Variants in HIF1AN observed in about 807,000 individuals in gnomAD.
The protein encoded by HIF1AN is hypoxia inducible factor 1 subunit alpha inhibitor.
In HIF1AN, 21 loss-of-function variants were observed where a neutral mutation model predicts 47.7. That is an observed-to-expected ratio of 0.44 (90% CI 0.31 to 0.63). The LOEUF is 0.63. Ranked by LOEUF, HIF1AN falls within the 30% of genes least tolerant of loss-of-function variation. HIF1AN has a pLI of 0.07. For synonymous variants in HIF1AN, 152 were observed against 155.9 expected (o/e 0.98, Z 0.18); for missense variants, 320 against 432.7 (o/e 0.74, Z 2.31).
intron 3 of HIF1AN, among the ~76,000 whole-genome samples, chr10:100,542,842 A>ATTTTTTTT (rs1186242124): frequency 8.9e-6 from 1 of 112,804 alleles, no homozygotes; most frequent in Non-Finnish European, 1.7e-5. Flanking sequence ...AAATATGTGA[A>ATTTTTTTT]TGTGTTTTTT....
chr10:100,559,969 A>G lies in HIF1AN; in HGVS notation c.*11832A>G, dbSNP rs1389227886. Reference sequence around the variant, plus strand: ...TTTTGAAAGTTTTAAAAAATTGACAACATTAAAGATCAGAAACTTGACCTA... The same window carrying G: ...TTTTGAAAGTTTTAAAAAATTGACAGCATTAAAGATCAGAAACTTGACCTA... On this transcript the variant is annotated 3_prime_UTR_variant, in exon 8 of 8. Coordinates refer to ENST00000299163, the MANE Select transcript of HIF1AN (RefSeq NM_017902.3). 1 of 149,704 alleles carries G rather than the reference A, an allele frequency of 6.7e-6. No homozygotes were observed. The highest frequency in any genetic ancestry group is 1.5e-5 in the Non-Finnish European group (1 of 67,338). The allele number at this position is 149,704 out of a possible 1,614,324, so 9.3% of individuals were successfully genotyped here. A position where few individuals can be genotyped will look rare whatever the true frequency, so the allele number is the denominator to read the frequency against.
At chr10:100,538,905 CTTT>C (rs371921651) in intron 2 of HIF1AN, among the ~76,000 whole-genome samples, 3 of 112,770 alleles carry the variant, frequency 2.7e-5, no homozygotes. Flanking sequence ...TTGAACCTTT[CTTT>C]TTTTTTTTTT....
At chr10:100,546,433 C>A in intron 5 of HIF1AN, 85 bp from the exon 6 acceptor site, 1 of 904,120 alleles carries the variant, frequency 1.1e-6, no homozygotes, top group Non-Finnish European at 1.8e-6. Flanking sequence ...TTTTTCAGCC[C>A]AACCCTGCCA....
rs192232076 is a variant in HIF1AN at position 100,546,719 on chromosome 10, A to C, written c.894+138A>C. 145 of 706,186 alleles carry C rather than the reference A, an allele frequency of 2.1e-4. No homozygotes were observed. In the East Asian group the frequency reaches 3.6e-3, roughly 18 times the overall value. 43.7% of individuals were successfully genotyped at this position (706,186 alleles called of 1,614,324 possible). A position where few individuals can be genotyped will look rare whatever the true frequency, so the allele number is the denominator to read the frequency against. On this transcript the variant is annotated intron_variant, in intron 6 of 7. Transcript: ENST00000299163. ...AGGTGTCTGGGGAGATGAAAGGGAC[A>C]GGATTGAATTGGGTTTCTTTTTTTT...
In HIF1AN at chr10:100,536,110, G is replaced by A. The variant is rs774739059; in HGVS notation, c.152G>A (p.Arg51Gln). 2 of 1,604,818 alleles carry A rather than the reference G, an allele frequency of 1.2e-6. No homozygotes were observed. Among genetic ancestry groups the A allele is most frequent in the Non-Finnish European group, 1.7e-6 (2 of 1,175,952 alleles). Residue 51 changes from arginine (R) to glutamine (Q), a missense_variant, in exon 1 of 8, where the codon CGG (arginine) becomes CAG (glutamine). Arg to Gln is a conservative substitution (Grantham distance 43). Coordinates refer to ENST00000299163, the MANE Select transcript of HIF1AN (RefSeq NM_017902.3). ...PIPRLSQSDP[R>Q]AEELIENEEP... ...CCGCGTCTGAGTCAGAGCGACCCCCGGGCAGAGGAGCTTATTGAGAATGAG... is the reference window on the plus strand; with the variant it reads ...CCGCGTCTGAGTCAGAGCGACCCCCAGGCAGAGGAGCTTATTGAGAATGAG...
At position 100,547,255 on chromosome 10, in the gene HIF1AN, G is replaced by C. The variant is rs767894884; in HGVS notation, c.1005+5G>C. ...GCCTTGGGGAACCCACAAGAGGTAG[G>C]TGACTGCCCCAAGGTGGCTCAGTGG... is the stretch of plus-strand genomic sequence containing the variant. On this transcript the variant is annotated splice_donor_5th_base_variant and intron_variant, in intron 7 of 7. Coordinates refer to ENST00000299163, the MANE Select transcript of HIF1AN (RefSeq NM_017902.3). 1 of 1,600,064 alleles carries C rather than the reference G, an allele frequency of 6.2e-7. No homozygotes were observed. The highest frequency in any genetic ancestry group is 8.6e-7 in the Non-Finnish European group (1 of 1,168,170).
intron 3 of HIF1AN, among the ~76,000 whole-genome samples, chr10:100,543,797 C>T (rs529938843): frequency 6.6e-6 from 1 of 152,310 alleles, no homozygotes; most frequent in Admixed American, 6.5e-5. Context: ...TGGTCTCAAT[C>T]TCCTGACCTC....
Position 100,547,168 on chromosome 10 carries a change from A to G in HIF1AN, c.923A>G (p.Tyr308Cys). Residue 308 changes from tyrosine to cysteine, a missense_variant, in exon 7 of 8, where the codon TAT becomes TGT. By Grantham distance (194) the Tyr-to-Cys change is radical (BLOSUM62 -2). Coordinates refer to ENST00000299163, the MANE Select transcript of HIF1AN (RefSeq NM_017902.3). Reference protein sequence around the residue: ...KGAPTPKRIEYPLKAHQKVAI... With the variant: ...KGAPTPKRIECPLKAHQKVAI... ...GCTCCCACCCCTAAGAGAATTGAATATCCTCTCAAAGCTCATCAGAAAGTG... is the reference window on the plus strand; with the variant it reads ...GCTCCCACCCCTAAGAGAATTGAATGTCCTCTCAAAGCTCATCAGAAAGTG... 6.2e-7 allele frequency: 1 copy of G among 1,613,912 alleles called. No homozygotes were observed. Among genetic ancestry groups the G allele is most frequent in the East Asian group, 2.2e-5 (1 of 44,876 alleles).
chr10:100,547,029 C>CGT lies in HIF1AN; in HGVS notation c.895-109_895-108dup. On this transcript the variant is annotated intron_variant, in intron 6 of 7. Coordinates refer to ENST00000299163, the MANE Select transcript of HIF1AN (RefSeq NM_017902.3). ...TGCTGGGATTATAGGCCTGAGTCAC[C>CGT]GTGCCCGGCAAGAATTGGGTTTCTT... is the stretch of plus-strand genomic sequence containing the variant. 3 of 775,256 alleles carry CGT rather than the reference C, an allele frequency of 3.9e-6. No individual in the cohort carries two copies. The Admixed American group carries it at 7.2e-5, about 19-fold the overall frequency. The allele number at this position is 775,256 out of a possible 1,614,324, so 48.0% of individuals were successfully genotyped here.
chr10:100,542,846 G>T (rs201312553), intron 3 of HIF1AN, among the ~76,000 whole-genome samples: 58 of 111,758 alleles, frequency 5.2e-4, no homozygotes, highest in East Asian at 1.9e-3. Context: ...ATGTGAATGT[G>T]TTTTTTTTTT....
rs1369158339 is a variant in HIF1AN at position 100,550,094 on chromosome 10, A to AT, written c.*1958dup. 6 of 152,194 alleles carry AT rather than the reference A, an allele frequency of 3.9e-5. No individual in the cohort carries two copies. Among genetic ancestry groups the AT allele is most frequent in the Admixed American group, 3.9e-4 (6 of 15,282 alleles). The allele number at this position is 152,194 out of a possible 1,614,324, so 9.4% of individuals were successfully genotyped here. A position where few individuals can be genotyped will look rare whatever the true frequency, so the allele number is the denominator to read the frequency against. ...CTTGGCCACAGTCACACTTGGAAAGATAGTAGATTATTTTCGTTCTCCTCA... is the reference window on the plus strand; with the variant it reads ...CTTGGCCACAGTCACACTTGGAAAGATTAGTAGATTATTTTCGTTCTCCTCA... On this transcript the variant is annotated 3_prime_UTR_variant, in exon 8 of 8. Transcript: ENST00000299163.
chr10:100,539,551 A>G (rs1220167120), intron 2 of HIF1AN, among the ~76,000 whole-genome samples: 1 of 152,236 alleles, frequency 6.6e-6, no homozygotes, highest in African/African-American at 2.4e-5. Context: ...CATGTTGATC[A>G]TGGGTAATGT....
At chr10:100,547,676 T>C (rs1843107197) in intron 7 of HIF1AN, among the ~76,000 whole-genome samples, 1 of 152,078 alleles carries the variant, frequency 6.6e-6, no homozygotes, top group Admixed American at 6.5e-5. Context: ...CTCTTGGAGG[T>C]AACCTCAGCA....
rs1276591937 is a variant in HIF1AN, at chr10:100,546,530, A to G, written c.843A>G (p.Ile281Met). The G allele has an allele frequency of 1.2e-6, 2 of 1,610,854 alleles. No homozygotes were observed. The highest frequency in any genetic ancestry group is 2.7e-5 in the African/African-American group (2 of 74,016). ...TGTTTTCTTGCAGGTGGCATCACAT[A>G]GAGTCATTACTAAATGGGGGGATTA... Reference protein sequence around the residue: ...LYIPMYWWHHIESLLNGGITI... With the variant: ...LYIPMYWWHHMESLLNGGITI... The change falls in exon 6 of 8, where the codon ATA becomes ATG. Residue 281 changes from isoleucine to methionine, a missense_variant. Ile to Met is a conservative substitution (Grantham distance 10). Coordinates refer to ENST00000299163, the MANE Select transcript of HIF1AN (RefSeq NM_017902.3).
In HIF1AN at chr10:100,552,703, C is replaced by T. The variant is rs1020101222; in HGVS notation, c.*4566C>T. The T allele has an allele frequency of 2.0e-5, 3 of 152,436 alleles. No individual in the cohort carries two copies. Among genetic ancestry groups the T allele is most frequent in the Admixed American group, 6.5e-5 (1 of 15,280 alleles). The allele number at this position is 152,436 out of a possible 1,614,324, so 9.4% of individuals were successfully genotyped here. On this transcript the variant is annotated 3_prime_UTR_variant, in exon 8 of 8. Coordinates refer to ENST00000299163, the MANE Select transcript of HIF1AN (RefSeq NM_017902.3). ...TGTCCTTCCCTCAGAAACTCCATGG[C>T]TGCAAGTGTGAATAGACTTGTCTTT... is the stretch of plus-strand genomic sequence containing the variant.
chr10:100,539,388 G>T (rs1842998044), intron 2 of HIF1AN, among the ~76,000 whole-genome samples: 1 of 152,194 alleles, frequency 6.6e-6, no homozygotes, highest in Admixed American at 6.5e-5. Flanking sequence ...CCTCAGGTAT[G>T]TTAGGAGCCT....
chr10:100,544,066 A>C (rs1417119641), intron 3 of HIF1AN, among the ~76,000 whole-genome samples: 1 of 152,228 alleles, frequency 6.6e-6, no homozygotes, highest in Non-Finnish European at 1.5e-5. Context: ...GCCCTGCAAA[A>C]GTGTGTGTTC....
chr10:100,551,642 A>G lies in HIF1AN; in HGVS notation c.*3505A>G, dbSNP rs1384725478. The G allele has an allele frequency of 2.6e-5, 4 of 152,178 alleles. No individual in the cohort carries two copies. Among genetic ancestry groups the G allele is most frequent in the Admixed American group, 2.6e-4 (4 of 15,286 alleles). The allele number at this position is 152,178 out of a possible 1,614,324, so 9.4% of individuals were successfully genotyped here. A position where few individuals can be genotyped will look rare whatever the true frequency, so the allele number is the denominator to read the frequency against. On this transcript the variant is annotated 3_prime_UTR_variant, in exon 8 of 8. Transcript: ENST00000299163. Reference sequence around the variant, plus strand: ...AGAATAACAGTGGAAAAGTTTTGACATGTGTTTGCCATTTGTGGAAAATGT... The same window carrying G: ...AGAATAACAGTGGAAAAGTTTTGACGTGTGTTTGCCATTTGTGGAAAATGT...
chr10:100,540,175 T>A (rs1037938470), intron 2 of HIF1AN, among the ~76,000 whole-genome samples: 3 of 147,632 alleles, frequency 2.0e-5, no homozygotes, highest in African/African-American at 5.0e-5. Flanking sequence ...TTTTTTTTTT[T>A]AATTTTATTT....
Sources: allele counts gnomAD v4.1 joint callset (sites outside exome capture counted in the v4.1 genomes callset), GRCh38; gene constraint gnomAD v4.1.1; transcripts MANE v1.5; gene names NCBI Gene and HGNC (gene_info 2026-07-23, HGNC 2026-07-21).